Variants in UBXN11 observed in about 807,000 individuals in gnomAD.
UBXN11 encodes the protein UBX domain-containing protein 11.
UBXN11 carries 47 observed loss-of-function variants against 62.8 expected under a neutral mutation model. That is an observed-to-expected ratio of 0.75 (90% confidence interval 0.59 to 0.95). UBXN11 has a LOEUF of 0.95. UBXN11 is among the 40% of genes least tolerant of loss of function. UBXN11 has a pLI of 0.00. For synonymous variants in UBXN11, 294 were observed against 267.0 expected (o/e 1.10, Z -0.99); for missense variants, 638 against 661.7 (o/e 0.96, Z 0.39).
Position 26,315,984 on chromosome 1 carries a change from G to A in UBXN11, c.-149+2063C>T, listed in dbSNP as rs1450106046. Among the ~76,000 whole-genome samples the A allele has an allele frequency of 1.6e-5, 2 of 124,334 alleles. 1 individual carries two copies. The highest frequency in any genetic ancestry group is 3.4e-5 in the Non-Finnish European group (2 of 59,590). 81.6% of individuals were successfully genotyped at this position (124,334 alleles called of 152,430 possible). On this transcript the variant is annotated intron_variant, in intron 1 of 14. Coordinates refer to the UBXN11 transcript ENST00000374217. Reference sequence around the variant, plus strand: ...CCTTTTTTTTTTTTTTTTTGAGACAGGGTCTTGCTCTGTCACCCTGGCTGG... The same window carrying A: ...CCTTTTTTTTTTTTTTTTTGAGACAAGGTCTTGCTCTGTCACCCTGGCTGG...
chr1:26,292,994 G>T (rs899180771), intron 8 of UBXN11, among the ~76,000 whole-genome samples: 6 of 152,180 alleles, frequency 3.9e-5, no homozygotes, highest in African/African-American at 1.2e-4. Context: ...TCTCATGTTT[G>T]GAATCTGGGT....
At chr1:26,299,772 G>A (rs2073483633) in intron 4 of UBXN11, among the ~76,000 whole-genome samples, 1 of 152,076 alleles carries the variant, frequency 6.6e-6, no homozygotes, top group South Asian at 2.1e-4. Flanking sequence ...GGATGACAGG[G>A]GAAAGCAGGG....
intron 14 of UBXN11, 25 bp from the exon 15 acceptor site, chr1:26,282,594 G>C (rs559953707): frequency 1.2e-6 from 2 of 1,611,768 alleles, no homozygotes; most frequent in African/African-American, 1.3e-5. Flanking sequence ...GAGCAGATCA[G>C]GCTGGGCAGT....
At chr1:26,298,498 C>T (rs758446692) in intron 4 of UBXN11, among the ~76,000 whole-genome samples, 21 of 152,252 alleles carry the variant, frequency 1.4e-4, no homozygotes, top group Non-Finnish European at 2.8e-4. Flanking sequence ...CTGTAGAAAA[C>T]AGTAGCCAGG....
chr1:26,303,844 G>A (rs1327796781), intron 1 of UBXN11, among the ~76,000 whole-genome samples: 2 of 152,158 alleles, frequency 1.3e-5, no homozygotes, highest in Non-Finnish European at 2.9e-5. Flanking sequence ...AAAAATGTGA[G>A]TTGGGGCTGC....
chr1:26,299,081 G>A (rs997973232), intron 4 of UBXN11, among the ~76,000 whole-genome samples: 2 of 152,166 alleles, frequency 1.3e-5, no homozygotes, highest in Non-Finnish European at 2.9e-5. Flanking sequence ...GTTGGCTGAG[G>A]AAGGGTTTTC....
At chr1:26,306,824 C>CA (rs1553165065), upstream of UBXN11, 28 of 5,168 alleles carry the variant, frequency 5.4e-3, 1 homozygote, top group African/African-American at 0.022. Flanking sequence ...AGGTCCGGGG[C>CA]GGGGTGGGGG....
chr1:26,297,505 G>T (rs1415083809), intron 5 of UBXN11, 24 bp from the exon 6 acceptor site: 1 of 1,540,106 alleles, frequency 6.5e-7, no homozygotes, highest in Admixed American at 2.0e-5. Flanking sequence ...CACAGGGTGA[G>T]CACAGGGCCT....
intron 10 of UBXN11, chr1:26,285,097 G>A (rs753760943): frequency 4.0e-5 from 42 of 1,039,672 alleles, no homozygotes; most frequent in Non-Finnish European, 8.1e-6. Flanking sequence ...CTTTGCATTT[G>A]TGGCTCACAG....
chr1:26,282,345 CCGGG>C lies in UBXN11; in HGVS notation c.1513_1516del (p.Pro505ValfsTer?), dbSNP rs758393836. On this transcript the variant is annotated frameshift_variant, in exon 15 of 15. Coordinates refer to ENST00000374222, the MANE Select transcript of UBXN11 (RefSeq NM_001389556.1). LOFTEE classifies it low-confidence loss of function (END_TRUNC). ...TCCAGGACAGGGACTGGGGCCGGGA[CCGGG>C]ACCGGGACTGGGGCCGGGACCGGGA... The C allele has an allele frequency of 0.012, 4,107 of 332,228 alleles. 302 individuals are homozygous for C. The African/African-American group carries it at 0.16, about 13-fold the overall frequency. 20.6% of individuals were successfully genotyped at this position (332,228 alleles called of 1,614,324 possible).
chr1:26,318,110 A>G (rs765019431), exon 1 of UBXN11: 57 of 1,576,920 alleles, frequency 3.6e-5, no homozygotes, highest in Non-Finnish European at 4.8e-5. Flanking sequence ...GGACTCCCCA[A>G]AGTTGCTTGG....
At chr1:26,286,934 G>C (rs1436378105) in intron 8 of UBXN11, among the ~76,000 whole-genome samples, 1 of 152,104 alleles carries the variant, frequency 6.6e-6, no homozygotes, top group Non-Finnish European at 1.5e-5. Context: ...CCTGACCTCA[G>C]GTGATCCGCC....
upstream of UBXN11, among the ~76,000 whole-genome samples, chr1:26,310,538 C>CA (rs112135867): frequency 0.19 from 25,709 of 137,884 alleles, 2,643 homozygotes; most frequent in African/African-American, 0.24. Context: ...GACTCCATCT[C>CA]AAAAAAAAAA....
intron 8 of UBXN11, among the ~76,000 whole-genome samples, chr1:26,286,697 G>A (rs1294129757): frequency 6.6e-6 from 1 of 152,126 alleles, no homozygotes; most frequent in East Asian, 1.9e-4. Context: ...TAAGGCAGGG[G>A]TAATTATTTT....
chr1:26,295,904 G>A (rs147833133), intron 7 of UBXN11, among the ~76,000 whole-genome samples: 132 of 152,366 alleles, frequency 8.7e-4, no homozygotes, highest in East Asian at 4.2e-3. Context: ...ACTGTGTGGC[G>A]GAGACGCATG....
At chr1:26,288,837 G>A (rs970084515) in intron 8 of UBXN11, among the ~76,000 whole-genome samples, 7 of 152,304 alleles carry the variant, frequency 4.6e-5, no homozygotes, top group Admixed American at 3.9e-4. Flanking sequence ...AGGAAATTGG[G>A]CCTTATGAGC....
In UBXN11 at chr1:26,300,846, C is replaced by T. The variant is rs1424782378; in HGVS notation, c.199+80G>A. 5.0e-6 allele frequency: 8 copies of T among 1,599,478 alleles called. No homozygotes were observed. The Admixed American group carries it at 1.4e-4, about 27-fold the overall frequency. ...AGACCAAACAGGCGAGAGGAAGGGC[C>T]ATGCCTCCCTAGGCCTTGCCCCGTC... On this transcript the variant is annotated intron_variant, in intron 4 of 14. Coordinates refer to ENST00000374222, the MANE Select transcript of UBXN11 (RefSeq NM_001389556.1).
intron 1 of UBXN11, chr1:26,306,262 C>CAA (rs979182082): frequency 7.2e-5 from 11 of 152,430 alleles, no homozygotes; most frequent in African/African-American, 2.4e-4. Context: ...TCTTTGGAAC[C>CAA]AAACTCAGTG....
chr1:26,290,119 A>G (rs1193562953), intron 8 of UBXN11, among the ~76,000 whole-genome samples: 2 of 152,222 alleles, frequency 1.3e-5, no homozygotes, highest in Non-Finnish European at 2.9e-5. Context: ...TCATGTGCAG[A>G]TGACTGTTCC....
Sources: allele counts gnomAD v4.1 joint callset (sites outside exome capture counted in the v4.1 genomes callset), GRCh38; gene constraint gnomAD v4.1.1; transcripts MANE v1.5; gene names NCBI Gene and HGNC (gene_info 2026-07-23, HGNC 2026-07-21).